Variants in GRIK1 observed in about 807,000 individuals in gnomAD.
GRIK1 encodes glutamate ionotropic receptor kainate type subunit 1, also known as glutamate receptor ionotropic, kainate 1.
GRIK1 carries 69 observed loss-of-function variants against 105.7 expected under a neutral mutation model. That is an observed-to-expected ratio of 0.65 (90% CI 0.54 to 0.80). GRIK1 has a LOEUF of 0.80. Among genes scored for constraint, GRIK1 ranks in the 30% least tolerant of loss-of-function variants. The probability of loss-of-function intolerance (pLI) is 0.00; values close to 1 mark genes in which losing one functional copy is unlikely to be tolerated. For missense variants in GRIK1, 1,109 were observed against 1,167.3 expected (o/e 0.95, Z 0.73); for synonymous variants, 438 against 431.3 (o/e 1.02, Z -0.19).
At chr21:29,731,976 CCTT>C (rs1361690603) in intron 1 of GRIK1, among the ~76,000 whole-genome samples, 2 of 152,098 alleles carry the variant, frequency 1.3e-5, no homozygotes, top group East Asian at 1.9e-4. Flanking sequence ...GATGTCTTCT[CCTT>C]CTTAGTGACT....
intron 1 of GRIK1, among the ~76,000 whole-genome samples, chr21:29,763,297 C>A (rs1434516285): frequency 6.6e-6 from 1 of 152,210 alleles, no homozygotes; most frequent in Non-Finnish European, 1.5e-5. Context: ...CCTTTGCCTT[C>A]TGCCATGATT....
chr21:29,781,816 G>A (rs369143277), intron 1 of GRIK1, among the ~76,000 whole-genome samples: 3,668 of 148,052 alleles, frequency 0.025, 117 homozygotes, highest in East Asian at 0.1. Context: ...GACTACAGGC[G>A]CCCGCCACCG....
chr21:29,867,878 G>A (rs8132018), intron 1 of GRIK1, among the ~76,000 whole-genome samples: 9 of 15,920 alleles, frequency 5.7e-4, no homozygotes, highest in African/African-American at 1.3e-3. Context: ...AAGAGAGAAA[G>A]AGAGAGAAAG....
chr21:29,736,273 G>T (rs1197014114), intron 1 of GRIK1, among the ~76,000 whole-genome samples: 1 of 152,212 alleles, frequency 6.6e-6, no homozygotes, highest in Non-Finnish European at 1.5e-5. Flanking sequence ...AGGCTGGAGT[G>T]CAGTGGTACA....
At chr21:29,629,199 T>TGC in intron 7 of GRIK1, among the ~76,000 whole-genome samples, 1 of 118,716 alleles carries the variant, frequency 8.4e-6, no homozygotes, top group East Asian at 3.0e-4. Context: ...GAGAAATGTG[T>TGC]GTGTGTGTGT....
chr21:29,776,958 G>C (rs1368386255), intron 1 of GRIK1, among the ~76,000 whole-genome samples: 2 of 152,086 alleles, frequency 1.3e-5, no homozygotes, highest in African/African-American at 4.8e-5. Flanking sequence ...GACAATACCA[G>C]AAGAAAATAA....
intron 3 of GRIK1, among the ~76,000 whole-genome samples, chr21:29,680,875 C>T (rs895149764): frequency 3.9e-5 from 6 of 152,174 alleles, no homozygotes; most frequent in Admixed American, 3.3e-4. Context: ...TGGCTCATGC[C>T]TGTAATCCCA....
chr21:29,588,131 C>A (rs897148483), intron 11 of GRIK1, among the ~76,000 whole-genome samples: 1 of 151,666 alleles, frequency 6.6e-6, no homozygotes, highest in Non-Finnish European at 1.5e-5. Context: ...CCCACCACCA[C>A]GCCTGGCTAA....
chr21:29,753,674 G>A (rs2065261847), intron 1 of GRIK1, among the ~76,000 whole-genome samples: 2 of 152,112 alleles, frequency 1.3e-5, no homozygotes, highest in African/African-American at 4.8e-5. Context: ...ATACTGGCAG[G>A]CTATTTTTAA....
intron 1 of GRIK1, among the ~76,000 whole-genome samples, chr21:29,880,439 C>A (rs1477351613): frequency 1.3e-5 from 2 of 152,132 alleles, no homozygotes; most frequent in East Asian, 3.9e-4. Flanking sequence ...TTCATCCTCT[C>A]TCTTCCTTCC....
At chr21:29,909,466 A>C (rs1208574298) in intron 1 of GRIK1, among the ~76,000 whole-genome samples, 1 of 150,738 alleles carries the variant, frequency 6.6e-6, no homozygotes, top group Non-Finnish European at 1.5e-5. Context: ...TAAATAAAAT[A>C]ATTAATAGAA....
intron 1 of GRIK1, among the ~76,000 whole-genome samples, chr21:29,923,945 A>G (rs1439193231): frequency 2.0e-5 from 3 of 152,206 alleles, no homozygotes; most frequent in Admixed American, 2.0e-4. Context: ...AACAACAAAA[A>G]CATAGTTAAG....
intron 1 of GRIK1, among the ~76,000 whole-genome samples, chr21:29,866,067 A>C (rs1289836138): frequency 1.3e-5 from 2 of 151,564 alleles, no homozygotes; most frequent in African/African-American, 4.9e-5. Flanking sequence ...AAGAGTTTTT[A>C]CTTTTTTTTT....
chr21:29,670,051 C>T (rs1478909161), intron 4 of GRIK1, among the ~76,000 whole-genome samples: 4 of 152,148 alleles, frequency 2.6e-5, no homozygotes, highest in African/African-American at 7.2e-5. Context: ...ATTAAGCTGA[C>T]CTGAGTCCTC....
At chr21:29,746,866 A>AT (rs1390118199) in intron 1 of GRIK1, among the ~76,000 whole-genome samples, 1 of 152,216 alleles carries the variant, frequency 6.6e-6, no homozygotes, top group Admixed American at 6.5e-5. Context: ...AAAAGAAAAC[A>AT]TTTTTTCCCT....
Position 29,689,618 on chromosome 21 carries a change from TAA to T in GRIK1, c.544+108_544+109del, listed in dbSNP as rs2146713300. The T allele has an allele frequency of 6.7e-6, 6 of 900,044 alleles. 1 individual carries two copies. The Admixed American group carries it at 1.2e-4, about 17-fold the overall frequency. 55.8% of individuals were successfully genotyped at this position (900,044 alleles called of 1,614,324 possible). On this transcript the variant is annotated intron_variant, in intron 3 of 17. Coordinates refer to ENST00000327783, the MANE Select transcript of GRIK1 (RefSeq NM_001330994.2). Reference sequence around the variant, plus strand: ...TTCAGAATATTCAGTTAGCTTTATATAAAAGAGCATTTTTATGCTCCATCTGA... The same window carrying T: ...TTCAGAATATTCAGTTAGCTTTATATAAGAGCATTTTTATGCTCCATCTGA...
intron 1 of GRIK1, among the ~76,000 whole-genome samples, chr21:29,721,785 A>G (rs1435750497): frequency 1.3e-5 from 2 of 152,120 alleles, no homozygotes. Flanking sequence ...GAAAAACTAT[A>G]CAATGTTTAA....
intron 1 of GRIK1, among the ~76,000 whole-genome samples, chr21:29,757,301 C>A (rs1335915074): frequency 6.6e-6 from 1 of 152,166 alleles, no homozygotes; most frequent in Non-Finnish European, 1.5e-5. Flanking sequence ...AAAGCAGGAG[C>A]TCCAAAATCA....
At chr21:29,850,594 T>C (rs1163156217) in intron 1 of GRIK1, among the ~76,000 whole-genome samples, 4 of 152,206 alleles carry the variant, frequency 2.6e-5, no homozygotes, top group Non-Finnish European at 5.9e-5. Context: ...AGGTTATTGA[T>C]GGAAGTAATT....
Sources: gnomAD v4.1 joint callset for allele counts (sites outside exome capture counted in the v4.1 genomes callset) on GRCh38, gnomAD v4.1.1 for gene constraint, MANE v1.5 for transcripts, NCBI Gene and HGNC (gene_info 2026-07-23, HGNC 2026-07-21) for gene names.